APMAP: variants seen among roughly 807,000 people sequenced by gnomAD.
APMAP encodes the protein adipocyte plasma membrane associated protein.
A neutral mutation model predicts 43.6 loss-of-function variants in APMAP; 33 were observed. The observed-to-expected ratio is 0.76, with a 90% CI of 0.57 to 1.01. The LOEUF is 1.01. APMAP is among the 50% of genes least tolerant of loss of function. The pLI is 0.00. For synonymous variants in APMAP, 224 were observed against 216.7 expected, an observed-to-expected ratio of 1.03 and a Z score of -0.30; for missense variants, 498 against 540.7, an observed-to-expected ratio of 0.92 and a Z score of 0.78.
Position 24,973,709 on chromosome 20 carries a change from G to A in APMAP, c.357C>T (p.Gly119=). 1 of 1,614,086 alleles carries A rather than the reference G, an allele frequency of 6.2e-7. No homozygotes were observed. The highest frequency in any genetic ancestry group is 8.5e-7 in the Non-Finnish European group (1 of 1,179,974). ...CACCATTTTCAAGTTTTACGACCCG[G>A]CCATCTGCTGTCCCAGTAAACATCA... is the stretch of plus-strand genomic sequence containing the variant. ...GDVMFTGTAD[G]RVVKLENGEI... The change falls in exon 4 of 9, where the codon GGC becomes GGT. Residue 119 remains glycine, a synonymous_variant. Transcript: ENST00000217456.
intron 4 of APMAP, among the ~76,000 whole-genome samples, chr20:24,973,330 T>C (rs1382504863): frequency 1.3e-5 from 2 of 152,190 alleles, no homozygotes; most frequent in Non-Finnish European, 2.9e-5. Flanking sequence ...ATAACACCTA[T>C]TAGCCTCTGA....
intron 5 of APMAP, 65 bp downstream of exon 5, chr20:24,971,395 C>T (rs1337218882): frequency 1.5e-6 from 2 of 1,370,540 alleles, no homozygotes; most frequent in African/African-American, 1.4e-5. Context: ...ATTAAGTCTA[C>T]ACATACATAT....
rs148287096 is a variant in APMAP at position 24,969,594 on chromosome 20, A to T, written c.780T>A (p.Asn260Lys). ...KVLLDQLRFPNGVQLSPAEDF... is the reference protein window; with the variant it reads ...KVLLDQLRFPKGVQLSPAEDF... ...CTTCTGCAGGAGACAGCTGGACTCC[A>T]TTCGGGAACCGCAGCTGGTCCAATA... The change falls in exon 7 of 9, where the codon AAT becomes AAA. Residue 260 changes from asparagine to lysine, a missense_variant. By Grantham distance (94) the Asn-to-Lys change is moderately conservative. Transcript: ENST00000217456. 6.2e-7 allele frequency: 1 copy of T among 1,614,004 alleles called. No homozygotes were observed. Among genetic ancestry groups the T allele is most frequent in the Non-Finnish European group, 8.5e-7 (1 of 1,179,984 alleles).
intron 1 of APMAP, among the ~76,000 whole-genome samples, chr20:24,986,611 C>A (rs533269776): frequency 7.9e-5 from 12 of 152,320 alleles, no homozygotes; most frequent in African/African-American, 2.6e-4. Context: ...GAGAGGTCTG[C>A]AGCAGGGAAA....
chr20:24,992,502 G>A, intron 1 of APMAP, 92 bp downstream of exon 1: 1 of 1,063,160 alleles, frequency 9.4e-7, no homozygotes, highest in Non-Finnish European at 1.3e-6. Flanking sequence ...CGCATCCCCA[G>A]GTTACTGTTA....
At chr20:24,973,535 GA>G (rs2088023623) in intron 4 of APMAP, 109 bp downstream of exon 4, 1 of 1,056,354 alleles carries the variant, frequency 9.5e-7, no homozygotes, top group Non-Finnish European at 1.4e-6. Context: ...TAGATGGTCA[GA>G]GGTTCTTTTT....
At chr20:24,967,624 C>T (rs1203716818) in intron 8 of APMAP, among the ~76,000 whole-genome samples, 1 of 152,244 alleles carries the variant, frequency 6.6e-6, no homozygotes, top group Non-Finnish European at 1.5e-5. Flanking sequence ...TACTACCCTA[C>T]GCTAAGGGCA....
At chr20:24,991,022 C>T (rs1455440104) in intron 1 of APMAP, among the ~76,000 whole-genome samples, 1 of 152,342 alleles carries the variant, frequency 6.6e-6, no homozygotes, top group Admixed American at 6.5e-5. Flanking sequence ...GATTTACTTA[C>T]TCATTAAGGA....
chr20:24,984,414 C>T (rs2088131357), intron 1 of APMAP, among the ~76,000 whole-genome samples: 1 of 152,204 alleles, frequency 6.6e-6, no homozygotes, highest in Non-Finnish European at 1.5e-5. Context: ...AAAAGCTACG[C>T]ATTCCCGGTG....
rs1285394226 is a variant in APMAP at position 24,986,977 on chromosome 20, TACA to T, written c.96-2961_96-2959del. On this transcript the variant is annotated intron_variant, in intron 1 of 8. Transcript: ENST00000217456. Reference sequence around the variant, plus strand: ...TAGGCATTTCATATAAGTGGAATCATACAACAAGTGACCTTTCATGACTAGCTT... The same window carrying T: ...TAGGCATTTCATATAAGTGGAATCATACAAGTGACCTTTCATGACTAGCTT... Among the ~76,000 whole-genome samples the T allele has an allele frequency of 3.9e-5, 6 of 152,356 alleles. No homozygotes were observed. In the East Asian group the frequency reaches 9.6e-4, roughly 24 times the overall value.
chr20:24,971,878 G>C (rs2088004600), intron 4 of APMAP, among the ~76,000 whole-genome samples: 1 of 151,220 alleles, frequency 6.6e-6, no homozygotes, highest in Non-Finnish European at 1.5e-5. Context: ...TTATTGCAGG[G>C]TGTTCACTGT....
At chr20:24,985,466 C>T (rs1855734559) in intron 1 of APMAP, among the ~76,000 whole-genome samples, 1 of 152,196 alleles carries the variant, frequency 6.6e-6, no homozygotes, top group Non-Finnish European at 1.5e-5. Flanking sequence ...TCCAGAAACA[C>T]AGCCCTACTG....
chr20:24,983,069 C>T (rs2088118923), intron 2 of APMAP, among the ~76,000 whole-genome samples: 1 of 152,242 alleles, frequency 6.6e-6, no homozygotes, highest in African/African-American at 2.4e-5. Context: ...AAAAAGTTCA[C>T]TCAGCTACAC....
intron 8 of APMAP, among the ~76,000 whole-genome samples, chr20:24,965,128 C>T (rs2087931881): frequency 2.0e-5 from 3 of 152,228 alleles, no homozygotes; most frequent in Admixed American, 2.0e-4. Flanking sequence ...TCTGCCTGGC[C>T]TTTCTAATAG....
In APMAP at chr20:24,970,356, A is replaced by G. The variant is rs1275973157; in HGVS notation, c.554T>C (p.Leu185Pro). The G allele has an allele frequency of 1.6e-5, 25 of 1,611,300 alleles. No homozygotes were observed. Among genetic ancestry groups the G allele is most frequent in the Non-Finnish European group, 1.8e-5 (21 of 1,178,498 alleles). Residue 185 changes from leucine to proline, a missense_variant, in exon 6 of 9, where the codon CTG becomes CCG. Physicochemically the swap from Leu to Pro is moderately conservative, Grantham distance 98 (BLOSUM62 -3). Transcript: ENST00000217456. ...VNPWKREVKL[L>P]LSSETPIEGK... ...CTCAATGGGTGTCTCGGAGGACAGC[A>G]GCAGTTTCACTTCACCTGAAGTTTA...
intron 8 of APMAP, among the ~76,000 whole-genome samples, chr20:24,966,218 A>G (rs2087941628): frequency 6.6e-6 from 1 of 152,216 alleles, no homozygotes; most frequent in Non-Finnish European, 1.5e-5. Context: ...ACAAGAGGAC[A>G]TGCCCAAAGG....
intron 1 of APMAP, among the ~76,000 whole-genome samples, chr20:24,989,353 G>A (rs2088173288): frequency 1.3e-5 from 2 of 152,132 alleles, no homozygotes; most frequent in Admixed American, 6.5e-5. Context: ...CACAACCACA[G>A]TGATGCAACA....
At chr20:24,973,199 A>G (rs970215435) in intron 4 of APMAP, among the ~76,000 whole-genome samples, 1 of 152,238 alleles carries the variant, frequency 6.6e-6, no homozygotes. Context: ...TAGTTTTCCA[A>G]AATTTGAATG....
chr20:24,992,164 G>A (rs1171599521), intron 1 of APMAP, among the ~76,000 whole-genome samples: 1 of 152,206 alleles, frequency 6.6e-6, no homozygotes, highest in Non-Finnish European at 1.5e-5. Context: ...ATTGCGAGCG[G>A]GGAACCAGGA....
Sources: allele counts gnomAD v4.1 joint callset (sites outside exome capture counted in the v4.1 genomes callset), GRCh38; gene constraint gnomAD v4.1.1; transcripts MANE v1.5; gene names NCBI Gene and HGNC (gene_info 2026-07-23, HGNC 2026-07-21).